Variants in ACTR3 observed in about 807,000 individuals in gnomAD.
The protein encoded by ACTR3 is actin-related protein 3.
In ACTR3, 12 loss-of-function variants were observed where a neutral mutation model predicts 56.8. The observed-to-expected ratio is 0.21, with a 90% CI of 0.14 to 0.34. The LOEUF is 0.34. Ranked by LOEUF, ACTR3 falls within the 10% of genes least tolerant of loss-of-function variation. The probability of loss-of-function intolerance (pLI) is 1.00; values close to 1 mark genes in which losing one functional copy is unlikely to be tolerated. For synonymous variants in ACTR3, 162 were observed against 167.4 expected (o/e 0.97, Z 0.25); for missense variants, 282 against 512.5 (o/e 0.55, Z 4.34).
At chr2:113,903,780 C>T (rs1216725511) in intron 1 of ACTR3, among the ~76,000 whole-genome samples, 1 of 152,024 alleles carries the variant, frequency 6.6e-6, no homozygotes, top group African/African-American at 2.4e-5. Flanking sequence ...AGGCGTGAGC[C>T]ACCCCGTCTG....
At chr2:113,955,593 T>C in intron 10 of ACTR3, 30 bp from the exon 11 acceptor site, 1 of 1,481,702 alleles carries the variant, frequency 6.7e-7, no homozygotes, top group Non-Finnish European at 9.4e-7. Context: ...GAATTTACTA[T>C]GAAGATGATC....
intron 4 of ACTR3, among the ~76,000 whole-genome samples, chr2:113,928,054 G>C (rs1350847793): frequency 6.6e-6 from 1 of 151,700 alleles, no homozygotes; most frequent in African/African-American, 2.4e-5. Flanking sequence ...CTGTCTTTAA[G>C]AATATTATAC....
chr2:113,937,138 C>G (rs1408398625), intron 6 of ACTR3, among the ~76,000 whole-genome samples: 4 of 152,124 alleles, frequency 2.6e-5, no homozygotes, highest in Non-Finnish European at 5.9e-5. Context: ...GAGTCTTGCT[C>G]TGTCGCCGAG....
chr2:113,942,062 C>T (rs1467267337), intron 7 of ACTR3, 124 bp from the exon 8 acceptor site: 4 of 776,818 alleles, frequency 5.1e-6, no homozygotes, highest in Non-Finnish European at 5.6e-6. Context: ...AGCTTAATTT[C>T]CTAATTTTAT....
intron 3 of ACTR3, among the ~76,000 whole-genome samples, chr2:113,924,081 G>A (rs74564564): frequency 0.12 from 16,704 of 140,196 alleles, 1,514 homozygotes; most frequent in East Asian, 0.36. Flanking sequence ...TGAGACAGGT[G>A]TCTTGCCCTG....
At chr2:113,902,232 A>T (rs1459967708) in intron 1 of ACTR3, among the ~76,000 whole-genome samples, 2 of 152,080 alleles carry the variant, frequency 1.3e-5, no homozygotes, top group African/African-American at 4.8e-5. Context: ...GATTTCTGCC[A>T]GTCCAGCCTC....
intron 1 of ACTR3, among the ~76,000 whole-genome samples, chr2:113,911,732 GTTTA>G (rs1679309475): frequency 6.6e-6 from 1 of 151,632 alleles, no homozygotes; most frequent in Admixed American, 6.6e-5. Flanking sequence ...CAAAGATATT[GTTTA>G]TTTATTTGTT....
intron 7 of ACTR3, among the ~76,000 whole-genome samples, chr2:113,940,869 G>T (rs1679912710): frequency 7.0e-6 from 1 of 143,822 alleles, no homozygotes; most frequent in Non-Finnish European, 1.5e-5. Context: ...TACCCAAGCT[G>T]GAGCGCAGTG....
intron 1 of ACTR3, among the ~76,000 whole-genome samples, chr2:113,902,586 C>G (rs1190065822): frequency 6.6e-6 from 1 of 150,590 alleles, no homozygotes; most frequent in African/African-American, 2.5e-5. Context: ...CACAAAGAGA[C>G]ATTTTTGGTT....
chr2:113,904,753 A>G (rs765865517), intron 1 of ACTR3: 4 of 152,170 alleles, frequency 2.6e-5, no homozygotes, highest in Admixed American at 1.3e-4. Context: ...CCAACTAGTA[A>G]TGTTTGAAAG....
chr2:113,931,606 G>A (rs1047320092), intron 5 of ACTR3, among the ~76,000 whole-genome samples: 1 of 152,086 alleles, frequency 6.6e-6, no homozygotes, highest in Non-Finnish European at 1.5e-5. Flanking sequence ...AAAAAAGTAA[G>A]TTAGTGGTGT....
chr2:113,956,529 T>C (rs959799714), intron 11 of ACTR3, among the ~76,000 whole-genome samples: 3 of 152,116 alleles, frequency 2.0e-5, no homozygotes, highest in Non-Finnish European at 4.4e-5. Flanking sequence ...TTAAAAACAT[T>C]AAGGTAAAAG....
intron 4 of ACTR3, among the ~76,000 whole-genome samples, chr2:113,929,995 A>C (rs895261923): frequency 6.6e-6 from 1 of 152,110 alleles, no homozygotes; most frequent in Admixed American, 6.5e-5. Context: ...AGTCTTTAAA[A>C]TTTTAGCCGT....
chr2:113,908,579 A>G (rs1159725821), intron 1 of ACTR3, among the ~76,000 whole-genome samples: 1 of 151,976 alleles, frequency 6.6e-6, no homozygotes, highest in Admixed American at 6.5e-5. Flanking sequence ...GTATTTTTAT[A>G]TGAGCATTAA....
intron 1 of ACTR3, 140 bp downstream of exon 1, chr2:113,890,463 G>A (rs1472990898): frequency 1.6e-6 from 2 of 1,278,818 alleles, no homozygotes; most frequent in Admixed American, 3.1e-5. Flanking sequence ...CCAGCGAGGG[G>A]TGGGGCCCGC....
At chr2:113,914,422 C>G (rs923016567) in intron 2 of ACTR3, among the ~76,000 whole-genome samples, 3 of 151,960 alleles carry the variant, frequency 2.0e-5, no homozygotes, top group Admixed American at 6.6e-5. Context: ...ACCAGCCTGA[C>G]CAACATGATG....
intron 1 of ACTR3, among the ~76,000 whole-genome samples, chr2:113,906,272 C>G (rs1487589754): frequency 6.6e-6 from 1 of 151,948 alleles, no homozygotes; most frequent in Non-Finnish European, 1.5e-5. Flanking sequence ...TGTTTATTGG[C>G]CATTTGTATA....
intron 7 of ACTR3, among the ~76,000 whole-genome samples, chr2:113,941,019 G>T (rs929665490): frequency 6.6e-6 from 1 of 151,798 alleles, no homozygotes; most frequent in Non-Finnish European, 1.5e-5. Context: ...TTGCTATGTT[G>T]CCCAGGCTGG....
intron 3 of ACTR3, among the ~76,000 whole-genome samples, chr2:113,917,753 G>A (rs951419076): frequency 3.3e-5 from 5 of 152,202 alleles, no homozygotes; most frequent in Admixed American, 2.0e-4. Context: ...GAGTAAAATG[G>A]TGTATAAAAA....
Sources: gnomAD v4.1 joint callset for allele counts (sites outside exome capture counted in the v4.1 genomes callset) on GRCh38, gnomAD v4.1.1 for gene constraint, MANE v1.5 for transcripts, NCBI Gene and HGNC (gene_info 2026-07-23, HGNC 2026-07-21) for gene names.